ENPP2: variants seen among roughly 807,000 people sequenced by gnomAD.
ENPP2 encodes the protein autotaxin.
A neutral mutation model predicts 120.2 loss-of-function variants in ENPP2; 51 were observed. The ratio of observed to expected loss-of-function variants is 0.42; its 90% CI spans 0.34 to 0.54. The LOEUF (loss-of-function observed/expected upper bound fraction) is 0.54. Among genes scored for constraint, ENPP2 ranks in the 20% least tolerant of loss-of-function variants. The pLI is 0.04. For synonymous variants in ENPP2, 365 were observed against 366.4 expected (o/e 1.00, Z 0.04); for missense variants, 920 against 1,066.5 (o/e 0.86, Z 1.91).
chr8:119,622,811 G>A (rs1045728726), intron 3 of ENPP2, among the ~76,000 whole-genome samples: 1 of 151,896 alleles, frequency 6.6e-6, no homozygotes, highest in Non-Finnish European at 1.5e-5. Context: ...CCGTGTTCTC[G>A]GTGCCAGGAT....
In ENPP2 at chr8:119,577,866, C is replaced by T. The variant is rs567054525; in HGVS notation, c.1780+2250G>A. Among the ~76,000 whole-genome samples, 5 of 152,202 alleles carry T rather than the reference C, an allele frequency of 3.3e-5. No individual in the cohort carries two copies. In the South Asian group the frequency reaches 6.2e-4, roughly 19 times the overall value. On this transcript the variant is annotated intron_variant, in intron 19 of 24. Coordinates refer to ENST00000075322, the MANE Select transcript of ENPP2 (RefSeq NM_001040092.3). ...AAAATACACAAACTTTAAGCTTCAG[C>T]GGTATAAAAAGACACTTCAGGGATT...
chr8:119,571,048 T>C (rs888651626), intron 19 of ENPP2: 5 of 374,232 alleles, frequency 1.3e-5, no homozygotes, highest in African/African-American at 1.0e-4. Flanking sequence ...TTTACAGTTA[T>C]CAAAACCATA....
At chr8:119,659,503 C>T (rs554665802) in intron 1 of ENPP2, among the ~76,000 whole-genome samples, 1 of 152,182 alleles carries the variant, frequency 6.6e-6, no homozygotes, top group East Asian at 1.9e-4. Context: ...TGAGGCTTCA[C>T]TTCAGCAAAG....
intron 18 of ENPP2, chr8:119,580,566 A>G: frequency 1.1e-5 from 2 of 190,270 alleles, no homozygotes; most frequent in Admixed American, 1.1e-4. Context: ...TTTTCACCAA[A>G]GCTAAAACGT....
chr8:119,623,292 C>T (rs1257406059), intron 3 of ENPP2, among the ~76,000 whole-genome samples: 6 of 151,998 alleles, frequency 3.9e-5, no homozygotes, highest in Admixed American at 2.6e-4. Context: ...GGTGAAACCC[C>T]GTCTCTACTA....
chr8:119,584,623 C>T (rs2130349621), intron 15 of ENPP2, among the ~76,000 whole-genome samples: 1 of 152,098 alleles, frequency 6.6e-6, no homozygotes, highest in East Asian at 1.9e-4. Context: ...AACTAAGCAG[C>T]CAACTTAACA....
chr8:119,605,466 A>T (rs13249947), intron 9 of ENPP2, among the ~76,000 whole-genome samples: 1,686 of 65,676 alleles, frequency 0.026, 50 homozygotes, highest in African/African-American at 0.096. Flanking sequence ...GTGTGTGTGT[A>T]TTTTTTTTTT....
chr8:119,581,019 C>T (rs960805317), intron 18 of ENPP2: 1 of 152,054 alleles, frequency 6.6e-6, no homozygotes, highest in African/African-American at 2.4e-5. Flanking sequence ...GTAATCTCAA[C>T]ATATTGGGAG....
intron 22 of ENPP2, among the ~76,000 whole-genome samples, chr8:119,567,899 A>G (rs1415469709): frequency 2.6e-5 from 4 of 152,252 alleles, no homozygotes; most frequent in African/African-American, 9.6e-5. Context: ...ACCTGTGGTC[A>G]CTTTCTGTGA....
intron 8 of ENPP2, among the ~76,000 whole-genome samples, chr8:119,613,782 C>T (rs116698711): frequency 0.015 from 2,281 of 152,016 alleles, 37 homozygotes; most frequent in African/African-American, 0.043. Flanking sequence ...TTATGGGATA[C>T]AGTGTGATGT....
At chr8:119,585,286 A>G (rs1482182021) in intron 15 of ENPP2, among the ~76,000 whole-genome samples, 1 of 152,158 alleles carries the variant, frequency 6.6e-6, no homozygotes, top group South Asian at 2.1e-4. Context: ...ATAATCCCAC[A>G]TATCTAACTC....
intron 1 of ENPP2, among the ~76,000 whole-genome samples, chr8:119,644,625 T>TATATATATACAC (rs1327738777): frequency 5.4e-5 from 4 of 74,288 alleles, no homozygotes; most frequent in African/African-American, 9.9e-5. Context: ...TATATATATA[T>TATATATATACAC]ACACACACAC....
chr8:119,564,663 G>A (rs964087718), intron 23 of ENPP2, among the ~76,000 whole-genome samples, 160 bp downstream of exon 23: 2 of 151,464 alleles, frequency 1.3e-5, no homozygotes, highest in East Asian at 1.9e-4. Context: ...GGGCAACAGA[G>A]CAAGACGCCG....
At chr8:119,585,927 GACACACACAC>G (rs34249912) in intron 15 of ENPP2, among the ~76,000 whole-genome samples, 5 of 146,222 alleles carry the variant, frequency 3.4e-5, no homozygotes, top group African/African-American at 1.0e-4. Flanking sequence ...GGATGAAAGA[GACACACACAC>G]ACACACACAC....
chr8:119,636,671 T>G (rs1817016518), intron 2 of ENPP2, among the ~76,000 whole-genome samples: 1 of 152,160 alleles, frequency 6.6e-6, no homozygotes, highest in South Asian at 2.1e-4. Flanking sequence ...TGGAAATAAT[T>G]TACTATACAC....
At chr8:119,586,697 C>T (rs1428049651) in intron 14 of ENPP2, among the ~76,000 whole-genome samples, 8 of 152,094 alleles carry the variant, frequency 5.3e-5, no homozygotes, top group Admixed American at 5.2e-4. Context: ...GCTCTTGTAC[C>T]ACTAAGGTCG....
intron 1 of ENPP2, among the ~76,000 whole-genome samples, chr8:119,665,401 C>T (rs547031566): frequency 6.6e-6 from 1 of 152,214 alleles, no homozygotes; most frequent in Admixed American, 6.5e-5. Flanking sequence ...GGTTTCAAGT[C>T]TGTGGCCTCA....
chr8:119,663,119 C>CAAAAAA (rs34922221), intron 1 of ENPP2, among the ~76,000 whole-genome samples: 11 of 120,374 alleles, frequency 9.1e-5, no homozygotes, highest in Non-Finnish European at 1.7e-4. Context: ...ACTCTTGTCT[C>CAAAAAA]AAAAAAAAAA....
intron 8 of ENPP2, among the ~76,000 whole-genome samples, chr8:119,614,775 A>G (rs1815347257): frequency 2.6e-5 from 4 of 152,174 alleles, no homozygotes; most frequent in Non-Finnish European, 4.4e-5. Context: ...TGGAGCTCTA[A>G]TTTCAATCAT....
Sources: allele counts gnomAD v4.1 joint callset (sites outside exome capture counted in the v4.1 genomes callset), GRCh38; gene constraint gnomAD v4.1.1; transcripts MANE v1.5; gene names NCBI Gene and HGNC (gene_info 2026-07-23, HGNC 2026-07-21).